CHRNA1: variants seen among roughly 807,000 people sequenced by gnomAD.
CHRNA1 encodes the protein cholinergic receptor nicotinic alpha 1 subunit.
In CHRNA1, 35 loss-of-function variants were observed where a neutral mutation model predicts 47.1. The ratio of observed to expected loss-of-function variants is 0.74; its 90% confidence interval spans 0.57 to 0.99. The LOEUF (loss-of-function observed/expected upper bound fraction) is 0.99. CHRNA1 is among the 50% of genes least tolerant of loss of function. The probability of loss-of-function intolerance (pLI) is 0.00; values close to 1 mark genes in which losing one functional copy is unlikely to be tolerated. For synonymous variants in CHRNA1, 229 were observed against 223.6 expected (o/e 1.02, Z -0.22); for missense variants, 506 against 591.1 (o/e 0.86, Z 1.49).
At chr2:174,755,461 C>T (rs949236967) in intron 4 of CHRNA1, among the ~76,000 whole-genome samples, 19 of 151,742 alleles carry the variant, frequency 1.3e-4, no homozygotes, top group Non-Finnish European at 2.2e-4. Flanking sequence ...CCTCTGTTGC[C>T]CAGGCTGGAG....
Position 174,764,432 on chromosome 2 carries a change from G to T in CHRNA1, c.-38C>A. On this transcript the variant is annotated 5_prime_UTR_variant, in exon 1 of 9. Coordinates refer to ENST00000348749, the MANE Select transcript of CHRNA1 (RefSeq NM_000079.4). ...CTTGTGTGGACCAGGGCAGAGTGGT[G>T]GCCTGTGCTTCTCACTGGCACTCTG... 1 of 1,604,952 alleles carries T rather than the reference G, an allele frequency of 6.2e-7. No individual in the cohort carries two copies. The highest frequency in any genetic ancestry group is 8.5e-7 in the Non-Finnish European group (1 of 1,174,546).
At chr2:174,758,427 G>A (rs1273864884) in intron 3 of CHRNA1, among the ~76,000 whole-genome samples, 1 of 151,940 alleles carries the variant, frequency 6.6e-6, no homozygotes, top group Non-Finnish European at 1.5e-5. Context: ...AGTAATACAG[G>A]TTGAGGATCC....
At chr2:174,761,325 G>C (rs1684096051) in intron 1 of CHRNA1, among the ~76,000 whole-genome samples, 1 of 152,004 alleles carries the variant, frequency 6.6e-6, no homozygotes, top group Non-Finnish European at 1.5e-5. Flanking sequence ...TTATTGCTGA[G>C]GCTGCAGTGC....
chr2:174,750,319 G>A, intron 6 of CHRNA1, 150 bp from the exon 7 acceptor site: 1 of 676,360 alleles, frequency 1.5e-6, no homozygotes, highest in East Asian at 2.7e-5. Context: ...ACTTTAAGGA[G>A]GTAATTAAAT....
At chr2:174,760,553 G>A (rs895359984) in intron 1 of CHRNA1, among the ~76,000 whole-genome samples, 1 of 152,196 alleles carries the variant, frequency 6.6e-6, no homozygotes, top group Admixed American at 6.5e-5. Flanking sequence ...GACTGGGGGG[G>A]AGAGAGGGAT....
At chr2:174,759,696 A>ATGAGGAAC (rs1475257252) in intron 1 of CHRNA1, 63 bp from the exon 2 acceptor site, 4 of 1,600,490 alleles carry the variant, frequency 2.5e-6, no homozygotes, top group South Asian at 1.1e-5. Flanking sequence ...ACACATGAAC[A>ATGAGGAAC]TGAGGAACTG....
intron 5 of CHRNA1, among the ~76,000 whole-genome samples, 198 bp from the exon 6 acceptor site, chr2:174,753,938 A>G (rs1242905047): frequency 6.6e-6 from 1 of 152,066 alleles, no homozygotes; most frequent in East Asian, 1.9e-4. Context: ...AGCATTCTCC[A>G]TTTTGGCTAC....
At position 174,753,701 on chromosome 2, in the gene CHRNA1, C is replaced by G; in HGVS notation, c.580G>C (p.Gly194Arg). 6.2e-7 allele frequency: 1 copy of G among 1,614,056 alleles called. No homozygotes were observed. The highest frequency in any genetic ancestry group is 8.5e-7 in the Non-Finnish European group (1 of 1,180,012). Residue 194 changes from glycine to arginine, a missense_variant, in exon 6 of 9, where the codon GGG becomes CGG. Physicochemically the swap from Gly to Arg is moderately radical, Grantham distance 125. Coordinates refer to ENST00000348749, the MANE Select transcript of CHRNA1 (RefSeq NM_000079.4). ...CGGGACTCCTTGATCACCCACTCCC[C>G]GCTCTCCATGAAGTTGCTCAGGTCT... Reference protein sequence around the residue: ...QPDLSNFMESGEWVIKESRGW... With the variant: ...QPDLSNFMESREWVIKESRGW...
At position 174,759,587 on chromosome 2, in the gene CHRNA1, C is replaced by G; in HGVS notation, c.90G>C (p.Lys30Asn). Residue 30 changes from lysine (K) to asparagine (N), a missense_variant, in exon 2 of 9, where the codon AAG becomes AAC. By Grantham distance (94) the Lys-to-Asn change is moderately conservative. Coordinates refer to ENST00000348749, the MANE Select transcript of CHRNA1 (RefSeq NM_000079.4). ...CCACGCTGCTGTAGTCTTTAAATAGCTTTGCCACCAGACGGGTCTCATGTT... is the reference window on the plus strand; with the variant it reads ...CCACGCTGCTGTAGTCTTTAAATAGGTTTGCCACCAGACGGGTCTCATGTT... ...GSEHETRLVA[K>N]LFKDYSSVVR... The G allele has an allele frequency of 1.2e-6, 2 of 1,614,000 alleles. No homozygotes were observed. The highest frequency in any genetic ancestry group is 1.7e-6 in the Non-Finnish European group (2 of 1,179,992).
rs1419248295 is a variant in CHRNA1 at position 174,759,497 on chromosome 2, G to A, written c.180C>T (p.Leu60=). The change falls in exon 2 of 9, where the codon CTC becomes CTT. Residue 60 remains leucine, a synonymous_variant. Coordinates refer to ENST00000348749, the MANE Select transcript of CHRNA1 (RefSeq NM_000079.4). The part of the protein sequence containing the change: ...EVTVGLQLIQ[L]INVDEVNQIV... ...AGTGCTCTTGTCTCACCACATTGAT[G>A]AGCTGTATCAGCTGCAGGCCCACGG... 2 of 1,614,144 alleles carry A rather than the reference G, an allele frequency of 1.2e-6. No homozygotes were observed. The highest frequency in any genetic ancestry group is 2.2e-5 in the East Asian group (1 of 44,884).
intron 6 of CHRNA1, 157 bp downstream of exon 6, chr2:174,753,346 A>G: frequency 1.2e-6 from 1 of 819,608 alleles, no homozygotes. Context: ...AGTGACTCTC[A>G]CCACTGCGCA....
At chr2:174,752,350 C>G (rs987208798) in intron 6 of CHRNA1, among the ~76,000 whole-genome samples, 6 of 152,068 alleles carry the variant, frequency 3.9e-5, no homozygotes, top group African/African-American at 1.5e-4. Flanking sequence ...GTAGGCAGAT[C>G]TTTGAGCCCA....
intron 4 of CHRNA1, 145 bp downstream of exon 4, chr2:174,757,421 G>A: frequency 1.0e-5 from 7 of 683,232 alleles, no homozygotes; most frequent in Non-Finnish European, 1.8e-5. Context: ...CTCCCAAAGT[G>A]CTGAGTTTAC....
Position 174,748,331 on chromosome 2 carries a change from A to G in CHRNA1, c.1243-76T>C, listed in dbSNP as rs3816448. On this transcript the variant is annotated intron_variant, in intron 8 of 8. Transcript: ENST00000348749. ...CTCACAACGTTTGTGCTTTGCATCA[A>G]CTATGGGCCCTTCAATTTGTAGATC... 271 of 1,594,508 alleles carry G rather than the reference A, an allele frequency of 1.7e-4. 1 individual carries two copies. Among genetic ancestry groups the G allele is most frequent in the Middle Eastern group, 1.4e-3 (7 of 4,894 alleles).
At position 174,759,487 on chromosome 2, in the gene CHRNA1, C is replaced by T. The variant is rs1358667538; in HGVS notation, c.189+1G>A. 6.2e-7 allele frequency: 1 copy of T among 1,614,150 alleles called. No homozygotes were observed. On this transcript the variant is annotated splice_donor_variant, in intron 2 of 8. Coordinates refer to ENST00000348749, the MANE Select transcript of CHRNA1 (RefSeq NM_000079.4). LOFTEE classifies it high-confidence loss of function. ...GCAGGCCCCCAGTGCTCTTGTCTCA[C>T]CACATTGATGAGCTGTATCAGCTGC...
At chr2:174,749,845 C>T (rs1238973954) in intron 7 of CHRNA1, 101 bp downstream of exon 7, 6 of 1,047,396 alleles carry the variant, frequency 5.7e-6, no homozygotes, top group African/African-American at 1.6e-5. Context: ...GAACTTAGTT[C>T]CTAAATAGCC....
chr2:174,754,339 A>G lies in CHRNA1; in HGVS notation c.420T>C (p.Pro140=). The change falls in exon 5 of 9, where the codon CCT becomes CCC. Residue 140 remains proline (P), a synonymous_variant. Transcript: ENST00000348749. ...CACAGTAGCTTTTAAAGATGGCTGG[A>G]GGTGTCCACGTGATGTGGCCAGTGT... ...LQYTGHITWT[P]PAIFKSYCEI... is the part of the protein sequence containing the mutation. 6.2e-7 allele frequency: 1 copy of G among 1,614,214 alleles called. No individual in the cohort carries two copies. Among genetic ancestry groups the G allele is most frequent in the African/African-American group, 1.3e-5 (1 of 75,042 alleles).
chr2:174,753,688 A>T lies in CHRNA1; in HGVS notation c.593T>A (p.Ile198Asn). The T allele has an allele frequency of 6.2e-7, 1 of 1,614,024 alleles. No homozygotes were observed. The highest frequency in any genetic ancestry group is 8.5e-7 in the Non-Finnish European group (1 of 1,179,994). ...SNFMESGEWV[I>N]KESRGWKHSV... Reference sequence around the variant, plus strand: ...GTGCTTCCAGCCCCGGGACTCCTTGATCACCCACTCCCCGCTCTCCATGAA... The same window carrying T: ...GTGCTTCCAGCCCCGGGACTCCTTGTTCACCCACTCCCCGCTCTCCATGAA... The change falls in exon 6 of 9, where the codon ATC becomes AAC. Residue 198 changes from isoleucine (I) to asparagine (N), a missense_variant. By Grantham distance (149) the Ile-to-Asn change is moderately radical. Coordinates refer to ENST00000348749, the MANE Select transcript of CHRNA1 (RefSeq NM_000079.4).
chr2:174,753,736 C>T lies in CHRNA1; in HGVS notation c.545G>A (p.Ser182Asn). ...GAAGTTGCTCAGGTCTGGCTGGTCG[C>T]TTTCCTGAGAAAGGAAGTGAGGTTT... The part of the protein sequence containing the change: ...DGSVVAINPE[S>N]DQPDLSNFME... The change falls in exon 6 of 9, where the codon AGC (serine) becomes AAC (asparagine). Residue 182 changes from serine to asparagine, a missense_variant. Coordinates refer to ENST00000348749, the MANE Select transcript of CHRNA1 (RefSeq NM_000079.4). 6.2e-7 allele frequency: 1 copy of T among 1,613,926 alleles called. No individual in the cohort carries two copies. Among genetic ancestry groups the T allele is most frequent in the Non-Finnish European group, 8.5e-7 (1 of 1,179,918 alleles).
Sources: allele counts gnomAD v4.1 joint callset (sites outside exome capture counted in the v4.1 genomes callset), GRCh38; gene constraint gnomAD v4.1.1; transcripts MANE v1.5; gene names NCBI Gene and HGNC (gene_info 2026-07-23, HGNC 2026-07-21).